The following MS4A10 variants were observed in gnomAD, a reference collection of about 807,000 sequenced individuals.
The protein encoded by MS4A10 is membrane spanning 4-domains A10.
MS4A10 carries 27 observed loss-of-function variants against 27.7 expected under a neutral mutation model. That is an observed-to-expected ratio of 0.98 (90% CI 0.72 to 1.35). The LOEUF (loss-of-function observed/expected upper bound fraction) is 1.35, where lower values mean the gene tolerates loss of function less well. Among genes scored for constraint, MS4A10 ranks in the 40% most tolerant of loss-of-function variants. The pLI, the probability that MS4A10 is intolerant of heterozygous loss-of-function variation, is 0.00. For missense variants in MS4A10, 338 were observed against 324.7 expected (o/e 1.04, Z -0.32); for synonymous variants, 139 against 131.2 (o/e 1.06, Z -0.41).
chr11:60,790,863 C>G, intron 2 of MS4A10, 111 bp from the exon 3 acceptor site: 1 of 1,457,430 alleles, frequency 6.9e-7, no homozygotes, highest in Non-Finnish European at 9.3e-7. Flanking sequence ...TCTGGGATCC[C>G]TAAGAGGACA....
At chr11:60,796,499 T>C (rs1854534767) in intron 6 of MS4A10, among the ~76,000 whole-genome samples, 1 of 152,202 alleles carries the variant, frequency 6.6e-6, no homozygotes, top group African/African-American at 2.4e-5. Context: ...CTGGCCAGGC[T>C]GGTCTCAAAC....
chr11:60,787,404 G>A (rs746289307), intron 1 of MS4A10, among the ~76,000 whole-genome samples: 11 of 152,142 alleles, frequency 7.2e-5, no homozygotes, highest in Non-Finnish European at 1.2e-4. Context: ...AAAGGCGTAC[G>A]AGAGAGTCAT....
chr11:60,796,834 T>C (rs867326654), intron 6 of MS4A10, among the ~76,000 whole-genome samples: 38 of 151,930 alleles, frequency 2.5e-4, no homozygotes, highest in Middle Eastern at 6.8e-3. Context: ...AAGGATGTTT[T>C]ATAAAAGAAA....
intron 6 of MS4A10, among the ~76,000 whole-genome samples, chr11:60,797,418 T>A (rs766163089): frequency 6.6e-6 from 1 of 152,204 alleles, no homozygotes; most frequent in Admixed American, 6.5e-5. Flanking sequence ...AGGGCTCAAA[T>A]CAAGGTGTGT....
chr11:60,799,277 A>G (rs1032936), intron 7 of MS4A10, among the ~76,000 whole-genome samples: 34,846 of 152,138 alleles, frequency 0.23, 4,332 homozygotes, highest in Middle Eastern at 0.32. Flanking sequence ...TACTTGTGCT[A>G]AGTAAATAAT....
rs779795198 is a variant in MS4A10, at chr11:60,790,968, A to C, written c.184-6A>C. 2.5e-6 allele frequency: 4 copies of C among 1,613,836 alleles called. No individual in the cohort carries two copies. In the African/African-American group the frequency reaches 5.3e-5, roughly 22 times the overall value. On this transcript the variant is annotated splice_polypyrimidine_tract_variant and splice_region_variant and intron_variant, in intron 2 of 7. Transcript: ENST00000308287. ...TCACCCCAGCCATTCTCTCTTCCCCACCCAGGCCTTCCACATCACCATCGC... is the reference window on the plus strand; with the variant it reads ...TCACCCCAGCCATTCTCTCTTCCCCCCCCAGGCCTTCCACATCACCATCGC...
intron 3 of MS4A10, among the ~76,000 whole-genome samples, chr11:60,792,038 T>A (rs754931849): frequency 6.6e-6 from 1 of 151,898 alleles, no homozygotes; most frequent in East Asian, 1.9e-4. Flanking sequence ...GGTGTAGAGA[T>A]GGGAGGAGGT....
Position 60,798,384 on chromosome 11 carries a change from T to G in MS4A10, c.604-12T>G, listed in dbSNP as rs1408539319. 1 of 1,610,482 alleles carries G rather than the reference T, an allele frequency of 6.2e-7. No homozygotes were observed. Among genetic ancestry groups the G allele is most frequent in the East Asian group, 2.2e-5 (1 of 44,830 alleles). ...GCTGTGAGCAGCAGGGGCGGCGACT[T>G]TTCTTTCGCAGAATGATGATGCATG... On this transcript the variant is annotated splice_polypyrimidine_tract_variant and intron_variant, in intron 6 of 7. Transcript: ENST00000308287.
intron 5 of MS4A10, 52 bp downstream of exon 5, chr11:60,794,155 G>A (rs1223923864): frequency 6.2e-7 from 1 of 1,608,376 alleles, no homozygotes; most frequent in Admixed American, 1.7e-5. Flanking sequence ...GTGCTGCCTT[G>A]GATTTGGCCA....
chr11:60,799,126 T>C (rs1185120826), intron 7 of MS4A10, among the ~76,000 whole-genome samples: 3 of 152,170 alleles, frequency 2.0e-5, no homozygotes, highest in Admixed American at 6.5e-5. Context: ...GACCTCAGTG[T>C]CTCCATCTGT....
At chr11:60,796,464 T>A (rs1158989396) in intron 6 of MS4A10, among the ~76,000 whole-genome samples, 3 of 152,226 alleles carry the variant, frequency 2.0e-5, no homozygotes, top group South Asian at 2.1e-4. Flanking sequence ...TGTATTTTTT[T>A]AAGTATAGAT....
At chr11:60,785,799 C>T (rs1218512399) in intron 1 of MS4A10, among the ~76,000 whole-genome samples, 2 of 152,094 alleles carry the variant, frequency 1.3e-5, no homozygotes, top group Non-Finnish European at 2.9e-5. Flanking sequence ...TGCATACACA[C>T]AGAGAGACCA....
chr11:60,789,934 C>T (rs1854397060), intron 1 of MS4A10, among the ~76,000 whole-genome samples: 1 of 152,306 alleles, frequency 6.6e-6, no homozygotes, highest in South Asian at 2.1e-4. Context: ...TCTTCTTGGA[C>T]CAGTGGATGG....
At chr11:60,793,385 T>C (rs995002552) in intron 4 of MS4A10, among the ~76,000 whole-genome samples, 1 of 152,206 alleles carries the variant, frequency 6.6e-6, no homozygotes, top group African/African-American at 2.4e-5. Flanking sequence ...GGCTACAGAT[T>C]CCATATGTGC....
chr11:60,798,551 A>T, intron 7 of MS4A10, 37 bp downstream of exon 7: 1 of 1,518,996 alleles, frequency 6.6e-7, no homozygotes, highest in Non-Finnish European at 9.1e-7. Context: ...AGACCTTCAG[A>T]ACCCACGCTT....
At chr11:60,793,869 C>T (rs1466501066) in intron 4 of MS4A10, 103 bp from the exon 5 acceptor site, 38 of 1,331,384 alleles carry the variant, frequency 2.9e-5, no homozygotes, top group Middle Eastern at 2.7e-4. Context: ...CAGGCAGAGT[C>T]TCTCCTGAGG....
rs961996723 is a variant in MS4A10 at position 60,798,501 on chromosome 11, A to T, written c.709A>T (p.Lys237Ter). ...QSVIQGDAQH[K>*]QHQRLREVKQ... is the part of the protein sequence containing the mutation. ...TGTGATTCAAGGCGACGCACAACAC[A>T]AGCAACATCAGAGGTGAAGAGGTTT... is the stretch of plus-strand genomic sequence containing the variant. The change falls in exon 7 of 8, where the codon AAG (lysine) becomes TAG (stop). Residue 237 changes from lysine (K) to a stop codon, truncating the protein, a stop_gained. Transcript: ENST00000308287. LOFTEE classifies it low-confidence loss of function (END_TRUNC). 4 of 1,613,724 alleles carry T rather than the reference A, an allele frequency of 2.5e-6. No homozygotes were observed. The African/African-American group carries it at 5.3e-5, about 22-fold the overall frequency.
At chr11:60,792,450 G>A in intron 4 of MS4A10, 129 bp downstream of exon 4, 1 of 703,994 alleles carries the variant, frequency 1.4e-6, no homozygotes, top group Non-Finnish European at 2.5e-6. Flanking sequence ...CTTGCCTTCA[G>A]GACAGCAGAG....
intron 7 of MS4A10, among the ~76,000 whole-genome samples, 193 bp downstream of exon 7, chr11:60,798,707 C>T (rs1347331701): frequency 1.3e-5 from 2 of 152,228 alleles, no homozygotes; most frequent in African/African-American, 4.8e-5. Context: ...ACTAGAGGAA[C>T]TCCCAGGGCC....
Sources: allele counts gnomAD v4.1 joint callset (sites outside exome capture counted in the v4.1 genomes callset), GRCh38; gene constraint gnomAD v4.1.1; transcripts MANE v1.5; gene names NCBI Gene and HGNC (gene_info 2026-07-23, HGNC 2026-07-21).